The following ADAM22 variants were observed in gnomAD, a reference collection of about 807,000 sequenced individuals.
ADAM22 encodes the protein disintegrin and metalloproteinase domain-containing protein 22.
Under a neutral mutation model 144.6 loss-of-function variants are expected in ADAM22, and 65 were observed. That is an observed-to-expected ratio of 0.45 (90% confidence interval 0.37 to 0.55). The LOEUF (loss-of-function observed/expected upper bound fraction) is 0.55. Among genes scored for constraint, ADAM22 ranks in the 20% least tolerant of loss-of-function variants. The pLI is 0.00. For missense variants in ADAM22, 974 were observed against 1,184.9 expected, an observed-to-expected ratio of 0.82 and a Z score of 2.61; for synonymous variants, 391 against 412.6, an observed-to-expected ratio of 0.95 and a Z score of 0.63.
chr7:88,113,340 C>T (rs1468134991), intron 5 of ADAM22, among the ~76,000 whole-genome samples: 6 of 151,754 alleles, frequency 4.0e-5, no homozygotes, highest in South Asian at 4.1e-4. Context: ...CTCACCACCT[C>T]TACTATTACT....
rs1201804491 is a variant in ADAM22 at position 88,079,317 on chromosome 7, G to A, written c.390+3625G>A. On this transcript the variant is annotated intron_variant, in intron 4 of 31. Transcript: ENST00000413139. ...CTGCTGAGAGATTTTGTCACCACCAGGCCTGCCCTACAAGAGCTCCTGAAG... is the reference window on the plus strand; with the variant it reads ...CTGCTGAGAGATTTTGTCACCACCAAGCCTGCCCTACAAGAGCTCCTGAAG... 2.0e-5 allele frequency among the ~76,000 whole-genome samples: 3 copies of A among 152,104 alleles called. No individual in the cohort carries two copies. The East Asian group carries it at 5.8e-4, about 29-fold the overall frequency.
At chr7:88,156,393 A>G (rs1839960870) in intron 22 of ADAM22, among the ~76,000 whole-genome samples, 2 of 152,142 alleles carry the variant, frequency 1.3e-5, no homozygotes, top group Non-Finnish European at 2.9e-5. Context: ...TCATATATCC[A>G]CAGGGAGGCA....
intron 3 of ADAM22, among the ~76,000 whole-genome samples, chr7:88,002,961 C>T (rs1262723495): frequency 2.0e-5 from 3 of 152,182 alleles, no homozygotes; most frequent in African/African-American, 7.2e-5. Flanking sequence ...TAAAAACTGG[C>T]AATTCTTTGT....
At chr7:88,145,319 T>C in intron 16 of ADAM22, 96 bp from the exon 17 acceptor site, 4 of 1,483,310 alleles carry the variant, frequency 2.7e-6, no homozygotes, top group Admixed American at 1.9e-5. Context: ...GAAGAAAAAT[T>C]ATTGTGAGTT....
chr7:87,995,875 A>T (rs1156400638), intron 3 of ADAM22, among the ~76,000 whole-genome samples: 1 of 152,246 alleles, frequency 6.6e-6, no homozygotes, highest in Non-Finnish European at 1.5e-5. Context: ...CTCATATTCT[A>T]ATAAAGATAG....
In ADAM22 at chr7:88,168,212, C is replaced by T; in HGVS notation, c.2267C>T (p.Thr756Ile). The change falls in exon 25 of 32, where the codon ACT becomes ATT. Residue 756 changes from threonine (T) to isoleucine (I), a missense_variant. Thr to Ile is a moderately conservative substitution (Grantham distance 89). This residue lies in a region of ADAM22 where 734 missense variants were observed against 950.6 expected (regional missense o/e 0.77). Transcript: ENST00000413139. ...GTGCTGGCCCTCATATTAGGAATAA[C>T]TGCGTGGGGTTATAAGTAAGTGAAA... ...ILVLALILGI[T>I]AWGYKNYREQ... 6.2e-7 allele frequency: 1 copy of T among 1,612,924 alleles called. No homozygotes were observed.
At chr7:88,011,358 G>A (rs1269828794) in intron 3 of ADAM22, among the ~76,000 whole-genome samples, 1 of 151,960 alleles carries the variant, frequency 6.6e-6, no homozygotes, top group Non-Finnish European at 1.5e-5. Flanking sequence ...TGGCTAATGG[G>A]GTGAAACCCG....
intron 3 of ADAM22, among the ~76,000 whole-genome samples, chr7:88,073,421 C>G (rs1469413450): frequency 1.3e-5 from 2 of 152,180 alleles, no homozygotes; most frequent in Non-Finnish European, 2.9e-5. Flanking sequence ...AAACACCCCT[C>G]ATCTCATTAA....
chr7:88,009,601 A>C (rs933011279), intron 3 of ADAM22, among the ~76,000 whole-genome samples: 2 of 115,982 alleles, frequency 1.7e-5, no homozygotes, highest in Non-Finnish European at 1.9e-5. Flanking sequence ...TATTCTAATA[A>C]AAAAAAGTGC....
At position 88,151,262 on chromosome 7, in the gene ADAM22, T is replaced by G. The variant is rs1335238288; in HGVS notation, c.1623T>G (p.Ile541Met). ...TATTTGCTTTTCCGTTTTAGGGAAT[T>G]TGCTTTGGAGGAAGATGCAAAACCA... ...DGYSCDGVQG[I>M]CFGGRCKTRD... The change falls in exon 20 of 32, where the codon ATT (isoleucine) becomes ATG (methionine). Residue 541 changes from isoleucine (I) to methionine (M), a missense_variant. Transcript: ENST00000413139. The G allele has an allele frequency of 1.9e-6, 3 of 1,614,130 alleles. No homozygotes were observed. Among genetic ancestry groups the G allele is most frequent in the Non-Finnish European group, 2.5e-6 (3 of 1,179,980 alleles).
At chr7:88,049,354 T>G (rs1487678703) in intron 3 of ADAM22, among the ~76,000 whole-genome samples, 1 of 152,164 alleles carries the variant, frequency 6.6e-6, no homozygotes, top group Non-Finnish European at 1.5e-5. Flanking sequence ...CCCTGTACAC[T>G]GTTTCTTTTT....
At chr7:87,983,733 A>T (rs1165359463) in intron 3 of ADAM22, among the ~76,000 whole-genome samples, 1 of 152,084 alleles carries the variant, frequency 6.6e-6, no homozygotes, top group African/African-American at 2.4e-5. Flanking sequence ...AAAAATAACT[A>T]ATGTTCATTG....
intron 3 of ADAM22, among the ~76,000 whole-genome samples, chr7:88,053,237 A>C (rs1235950494): frequency 2.0e-5 from 3 of 152,014 alleles, no homozygotes; most frequent in African/African-American, 7.2e-5. Context: ...CATCCTACTG[A>C]TATCTCTTAG....
intron 3 of ADAM22, among the ~76,000 whole-genome samples, chr7:87,999,048 A>G (rs2129455482): frequency 6.6e-6 from 1 of 152,340 alleles, no homozygotes; most frequent in East Asian, 1.9e-4. Context: ...TTGTGGACAC[A>G]TTATAAAAAG....
intron 13 of ADAM22, among the ~76,000 whole-genome samples, chr7:88,135,277 C>CAAAAA (rs55721029): frequency 3.3e-5 from 2 of 60,472 alleles, no homozygotes; most frequent in Non-Finnish European, 5.9e-5. Context: ...GACTCCATCT[C>CAAAAA]AAAAAAAAAA....
chr7:88,014,412 G>T (rs1796106280), intron 3 of ADAM22, among the ~76,000 whole-genome samples: 1 of 152,056 alleles, frequency 6.6e-6, no homozygotes, highest in Non-Finnish European at 1.5e-5. Flanking sequence ...TGAAAGGTAG[G>T]TGAGGAAGTT....
At chr7:87,941,806 A>G (rs1842530939) in intron 2 of ADAM22, among the ~76,000 whole-genome samples, 1 of 152,154 alleles carries the variant, frequency 6.6e-6, no homozygotes, top group African/African-American at 2.4e-5. Flanking sequence ...GTCTTTCATC[A>G]CTTCTGTATA....
intron 2 of ADAM22, among the ~76,000 whole-genome samples, chr7:87,947,553 G>A (rs1844000117): frequency 6.6e-6 from 1 of 151,676 alleles, no homozygotes. Flanking sequence ...GGATATTGGT[G>A]CCGAGATACT....
chr7:87,966,501 G>A (rs2129446238), intron 2 of ADAM22, among the ~76,000 whole-genome samples: 1 of 152,240 alleles, frequency 6.6e-6, no homozygotes, highest in East Asian at 1.9e-4. Context: ...TAGGTAATGA[G>A]GCTGCCTGAC....
Sources: allele counts gnomAD v4.1 joint callset (sites outside exome capture counted in the v4.1 genomes callset), GRCh38; gene constraint gnomAD v4.1.1; regional missense constraint gnomAD v4.1.1; transcripts MANE v1.5; gene names NCBI Gene and HGNC (gene_info 2026-07-23, HGNC 2026-07-21).